NR1D2: variants seen among roughly 807,000 people sequenced by gnomAD.
NR1D2 encodes nuclear receptor subfamily 1 group D member 2.
In NR1D2, 25 loss-of-function variants were observed where a neutral mutation model predicts 52.2. The ratio of observed to expected loss-of-function variants is 0.48; its 90% confidence interval spans 0.35 to 0.67. The LOEUF (loss-of-function observed/expected upper bound fraction) is 0.67, where lower values mean the gene tolerates loss of function less well. Ranked by LOEUF, NR1D2 falls within the 30% of genes least tolerant of loss-of-function variation. The pLI is 0.01. For missense variants in NR1D2, 681 were observed against 707.2 expected, an observed-to-expected ratio of 0.96 and a Z score of 0.42; for synonymous variants, 259 against 230.1, an observed-to-expected ratio of 1.13 and a Z score of -1.14.
chr3:23,956,442 G>GA (rs1191493737), intron 3 of NR1D2, among the ~76,000 whole-genome samples: 1 of 152,144 alleles, frequency 6.6e-6, no homozygotes, highest in Non-Finnish European at 1.5e-5. Context: ...AGGTGGTAGT[G>GA]AAATAACAAG....
At chr3:23,970,412 C>CT (rs1706556650) in intron 7 of NR1D2, among the ~76,000 whole-genome samples, 1 of 151,902 alleles carries the variant, frequency 6.6e-6, no homozygotes, top group Non-Finnish European at 1.5e-5. Context: ...TTGAAAAAGC[C>CT]TTTTTTCTGA....
chr3:23,945,501 C>A lies in NR1D2; in HGVS notation c.-78C>A. On this transcript the variant is annotated 5_prime_UTR_variant, in exon 1 of 8. Coordinates refer to ENST00000312521, the MANE Select transcript of NR1D2 (RefSeq NM_005126.5). Reference sequence around the variant, plus strand: ...CACCGCTGCTTCCAGCCCGGGGCGGCGCGGCGCTGAGGCGGCGGCGGCGGC... The same window carrying A: ...CACCGCTGCTTCCAGCCCGGGGCGGAGCGGCGCTGAGGCGGCGGCGGCGGC... The A allele has an allele frequency of 1.1e-6, 1 of 914,192 alleles. No homozygotes were observed. Among genetic ancestry groups the A allele is most frequent in the Non-Finnish European group, 1.3e-6 (1 of 741,124 alleles). 56.6% of individuals were successfully genotyped at this position (914,192 alleles called of 1,614,324 possible).
At chr3:23,949,001 A>G (rs1052422111) in intron 1 of NR1D2, among the ~76,000 whole-genome samples, 8 of 152,176 alleles carry the variant, frequency 5.3e-5, no homozygotes, top group African/African-American at 4.8e-5. Flanking sequence ...ATTTCCAGAC[A>G]TTAGATTACA....
intron 1 of NR1D2, among the ~76,000 whole-genome samples, chr3:23,953,903 A>G (rs746548813): frequency 2.6e-4 from 39 of 152,326 alleles, no homozygotes; most frequent in Middle Eastern, 3.4e-3. Flanking sequence ...ACTTAGGAGC[A>G]TTTTTTAGTC....
At chr3:23,969,290 A>G (rs1706528015) in intron 7 of NR1D2, among the ~76,000 whole-genome samples, 1 of 151,694 alleles carries the variant, frequency 6.6e-6, no homozygotes, top group Non-Finnish European at 1.5e-5. Context: ...TCCGTGTTAA[A>G]AAACAAAAAC....
rs757020814 is a variant in NR1D2 at position 23,979,510 on chromosome 3, C to T, written c.*2091C>T. ...AGTCTTTAGGAATGTGTAACCAGAA[C>T]TATGTTAGTATTGCTTATAAAACTT... is the stretch of plus-strand genomic sequence containing the variant. On this transcript the variant is annotated 3_prime_UTR_variant, in exon 8 of 8. Coordinates refer to ENST00000312521, the MANE Select transcript of NR1D2 (RefSeq NM_005126.5). The T allele has an allele frequency of 6.6e-6, 1 of 151,920 alleles. No homozygotes were observed. The highest frequency in any genetic ancestry group is 2.4e-5 in the African/African-American group (1 of 41,374). 9.4% of individuals were successfully genotyped at this position (151,920 alleles called of 1,614,324 possible). A position where few individuals can be genotyped will look rare whatever the true frequency, so the allele number is the denominator to read the frequency against.
chr3:23,959,529 T>TA, intron 3 of NR1D2, 142 bp from the exon 4 acceptor site: 1 of 712,406 alleles, frequency 1.4e-6, no homozygotes, highest in South Asian at 2.0e-5. Flanking sequence ...CCCTCTGTCC[T>TA]AAGACATAGT....
In NR1D2 at chr3:23,954,714, G is replaced by A. The variant is rs1036545367; in HGVS notation, c.194G>A (p.Gly65Asp). 5.6e-6 allele frequency: 9 copies of A among 1,613,850 alleles called. No homozygotes were observed. The African/African-American group carries it at 8.0e-5, about 14-fold the overall frequency. The change falls in exon 2 of 8, where the codon GGC becomes GAC. Residue 65 changes from glycine (G) to aspartate (D), a missense_variant. Transcript: ENST00000312521. ...PKNGDLANIE[G>D]ILKNDRIDCS... ...AATGGTGATCTCGCCAATATTGAAGGCATCTTGAAGAATGATCGAATAGAT... is the reference window on the plus strand; with the variant it reads ...AATGGTGATCTCGCCAATATTGAAGACATCTTGAAGAATGATCGAATAGAT...
intron 7 of NR1D2, among the ~76,000 whole-genome samples, chr3:23,968,618 G>GT (rs1326979147): frequency 6.6e-6 from 1 of 152,206 alleles, no homozygotes; most frequent in Non-Finnish European, 1.5e-5. Context: ...CTCAGTCACT[G>GT]TTTGAATGAG....
chr3:23,962,801 C>T (rs566872936), intron 5 of NR1D2, among the ~76,000 whole-genome samples, 196 bp downstream of exon 5: 1 of 152,064 alleles, frequency 6.6e-6, no homozygotes, highest in Non-Finnish European at 1.5e-5. Flanking sequence ...TCACACCCAG[C>T]TAGGTACAAG....
In NR1D2 at chr3:23,959,776, C is replaced by T; in HGVS notation, c.478C>T (p.Arg160Cys). The stretch of plus-strand genomic sequence containing the variant: ...GAATAGGAACAGATGTCAGCAATGT[C>T]GCTTCAAAAAGTGTCTGTCTGTTGG... ...RMNRNRCQQC[R>C]FKKCLSVGMS... Residue 160 changes from arginine to cysteine, a missense_variant, in exon 4 of 8, where the codon CGC becomes TGC. Arg to Cys is a radical substitution (Grantham distance 180). Transcript: ENST00000312521. 1.9e-6 allele frequency: 3 copies of T among 1,613,414 alleles called. No individual in the cohort carries two copies. Among genetic ancestry groups the T allele is most frequent in the Non-Finnish European group, 2.5e-6 (3 of 1,179,752 alleles).
At position 23,945,613 on chromosome 3, in the gene NR1D2, C is replaced by A; in HGVS notation, c.16+19C>A. On this transcript the variant is annotated intron_variant, in intron 1 of 7. Coordinates refer to ENST00000312521, the MANE Select transcript of NR1D2 (RefSeq NM_005126.5). Reference sequence around the variant, plus strand: ...AATGCAGGTAAGAACCGGACTGCGGCGGGTGGGGGATGGCCGGAGGGAGCG... The same window carrying A: ...AATGCAGGTAAGAACCGGACTGCGGAGGGTGGGGGATGGCCGGAGGGAGCG... 9.6e-7 allele frequency: 1 copy of A among 1,042,736 alleles called. No individual in the cohort carries two copies. The highest frequency in any genetic ancestry group is 7.4e-5 in the East Asian group (1 of 13,532). The allele number at this position is 1,042,736 out of a possible 1,614,324, so 64.6% of individuals were successfully genotyped here. A position where few individuals can be genotyped will look rare whatever the true frequency, so the allele number is the denominator to read the frequency against.
intron 1 of NR1D2, among the ~76,000 whole-genome samples, chr3:23,950,902 C>CTTTTTCTTTTTTTTTTTTT (rs1351954635): frequency 8.1e-6 from 1 of 123,106 alleles, no homozygotes; most frequent in African/African-American, 3.3e-5. Context: ...CTTTCTTTTT[C>CTTTTTCTTTTTTTTTTTTT]TTTTTTTTTT....
chr3:23,967,142 A>G (rs1706468321), intron 6 of NR1D2, among the ~76,000 whole-genome samples: 1 of 152,202 alleles, frequency 6.6e-6, no homozygotes, highest in Non-Finnish European at 1.5e-5. Context: ...CCTGGTCAAC[A>G]TGGTGAAACC....
intron 3 of NR1D2, among the ~76,000 whole-genome samples, chr3:23,958,601 T>C (rs1706147581): frequency 6.8e-6 from 1 of 147,330 alleles, no homozygotes; most frequent in African/African-American, 2.5e-5. Context: ...TATTACGTCA[T>C]TGTACTCCAG....
chr3:23,976,751 A>C (rs904571832), intron 7 of NR1D2, among the ~76,000 whole-genome samples: 2 of 151,504 alleles, frequency 1.3e-5, no homozygotes, highest in Non-Finnish European at 3.0e-5. Context: ...AGGTCCACTT[A>C]GTAGGAGGAG....
intron 1 of NR1D2, among the ~76,000 whole-genome samples, chr3:23,953,563 T>A (rs1706003158): frequency 6.6e-6 from 1 of 152,116 alleles, no homozygotes; most frequent in South Asian, 2.1e-4. Flanking sequence ...TAAGAGCTGC[T>A]TAGAGATGAA....
rs1317224152 is a variant in NR1D2, at chr3:23,979,195, T to G, written c.*1776T>G. The stretch of plus-strand genomic sequence containing the variant: ...AAAAAAAAGTTAAACCCTCTCATTA[T>G]TAAAGAGGAAAGGCGATGGTGATGT... On this transcript the variant is annotated 3_prime_UTR_variant, in exon 8 of 8. Transcript: ENST00000312521. 3 of 152,110 alleles carry G rather than the reference T, an allele frequency of 2.0e-5. No individual in the cohort carries two copies. Among genetic ancestry groups the G allele is most frequent in the Non-Finnish European group, 4.4e-5 (3 of 67,962 alleles). 9.4% of individuals were successfully genotyped at this position (152,110 alleles called of 1,614,324 possible).
intron 1 of NR1D2, among the ~76,000 whole-genome samples, chr3:23,952,508 G>C (rs977219910): frequency 6.6e-6 from 1 of 151,764 alleles, no homozygotes; most frequent in African/African-American, 2.4e-5. Flanking sequence ...TCGGAAGTTC[G>C]TGACCAGCCT....
Sources: allele counts gnomAD v4.1 joint callset (sites outside exome capture counted in the v4.1 genomes callset), GRCh38; gene constraint gnomAD v4.1.1; transcripts MANE v1.5; gene names NCBI Gene and HGNC (gene_info 2026-07-23, HGNC 2026-07-21).